Variants in ATP13A4 observed in about 807,000 individuals in gnomAD.
ATP13A4 encodes the protein probable cation-transporting ATPase 13A4.
A neutral mutation model predicts 142.5 loss-of-function variants in ATP13A4; 114 were observed. That is an observed-to-expected ratio of 0.80 (90% CI 0.69 to 0.93). The LOEUF (loss-of-function observed/expected upper bound fraction) is 0.93, where lower values mean the gene tolerates loss of function less well. Among genes scored for constraint, ATP13A4 ranks in the 40% least tolerant of loss-of-function variants. The probability of loss-of-function intolerance (pLI) is 0.00; values close to 1 mark genes in which losing one functional copy is unlikely to be tolerated. For synonymous variants in ATP13A4, 488 were observed against 514.8 expected, an observed-to-expected ratio of 0.95 and a Z score of 0.70; for missense variants, 1,392 against 1,454.0, an observed-to-expected ratio of 0.96 and a Z score of 0.69.
intron 29 of ATP13A4, chr3:193,403,681 A>G: frequency 1.2e-6 from 1 of 845,930 alleles, no homozygotes; most frequent in South Asian, 5.5e-5. Context: ...TTCATGAGTT[A>G]GAGTGAGCCT....
chr3:193,403,246 T>C lies in ATP13A4; in HGVS notation c.3379-382A>G, dbSNP rs187647026. On this transcript the variant is annotated intron_variant, in intron 29 of 29. Coordinates refer to ENST00000342695, the MANE Select transcript of ATP13A4 (RefSeq NM_032279.4). ...TATAAAATGACATTAAAATTACTAC[T>C]AAATACTAAACACAATTGACCCTAT... 9.2e-5 allele frequency among the ~76,000 whole-genome samples: 14 copies of C among 152,316 alleles called. No individual in the cohort carries two copies. In the East Asian group the frequency reaches 2.3e-3, roughly 25 times the overall value.
intron 2 of ATP13A4, among the ~76,000 whole-genome samples, chr3:193,571,467 A>G (rs1282143119): frequency 6.6e-6 from 1 of 152,134 alleles, no homozygotes; most frequent in Non-Finnish European, 1.5e-5. Context: ...TTCCTTCCAC[A>G]GTGTACAGTA....
intron 2 of ATP13A4, among the ~76,000 whole-genome samples, chr3:193,573,290 C>CTTATATATATAT (rs1279066051): frequency 1.8e-5 from 2 of 109,992 alleles, no homozygotes; most frequent in South Asian, 2.7e-4. Flanking sequence ...TATATATATA[C>CTTATATATATAT]ACATATATAT....
chr3:193,409,208 T>C (rs1160615057), intron 28 of ATP13A4, among the ~76,000 whole-genome samples: 1 of 152,140 alleles, frequency 6.6e-6, no homozygotes, highest in Non-Finnish European at 1.5e-5. Flanking sequence ...AACAACATGA[T>C]TCCATCCTTT....
At chr3:193,477,040 G>C (rs73198981) in intron 8 of ATP13A4, among the ~76,000 whole-genome samples, 11,415 of 152,006 alleles carry the variant, frequency 0.075, 644 homozygotes, top group East Asian at 0.21. Flanking sequence ...ATGTAGGACT[G>C]TCAGAAATCT....
At chr3:193,502,217 T>G (rs577274910) in intron 3 of ATP13A4, among the ~76,000 whole-genome samples, 71 of 152,378 alleles carry the variant, frequency 4.7e-4, no homozygotes, top group African/African-American at 1.6e-3. Context: ...ATCTTTGTAT[T>G]TCTAAATTTA....
intron 1 of ATP13A4, 56 bp downstream of exon 1, chr3:193,554,684 G>C (rs370571491): frequency 1.0e-5 from 11 of 1,052,158 alleles, no homozygotes; most frequent in Middle Eastern, 2.6e-4. Context: ...GTGTGTGTGT[G>C]TGTCTCGCAG....
rs533141728 is a variant in ATP13A4 at position 193,444,875 on chromosome 3, C to G, written c.2153-2319G>C. Among the ~76,000 whole-genome samples, 15 of 152,302 alleles carry G rather than the reference C, an allele frequency of 9.8e-5. No individual in the cohort carries two copies. In the East Asian group the frequency reaches 1.9e-3, roughly 20 times the overall value. On this transcript the variant is annotated intron_variant, in intron 18 of 29. Coordinates refer to ENST00000342695, the MANE Select transcript of ATP13A4 (RefSeq NM_032279.4). ...GGAGCTACCTGAGGCTGGAAGGATACAGGGAGCCCTGAGCGCTCATAGGCT... is the reference window on the plus strand; with the variant it reads ...GGAGCTACCTGAGGCTGGAAGGATAGAGGGAGCCCTGAGCGCTCATAGGCT...
At chr3:193,472,938 TAGAG>T (rs1431742222) in intron 8 of ATP13A4, among the ~76,000 whole-genome samples, 44 of 152,284 alleles carry the variant, frequency 2.9e-4, no homozygotes, top group African/African-American at 9.6e-4. Flanking sequence ...ATGTACTAGA[TAGAG>T]AGAAACAATA....
intron 25 of ATP13A4, among the ~76,000 whole-genome samples, chr3:193,417,526 T>G (rs541761345): frequency 6.6e-4 from 100 of 152,356 alleles, no homozygotes; most frequent in African/African-American, 2.4e-3. Context: ...GAATGTTTCA[T>G]GTCATCTCCA....
chr3:193,422,443 AT>A (rs930789130), intron 25 of ATP13A4, among the ~76,000 whole-genome samples: 3 of 100,572 alleles, frequency 3.0e-5, no homozygotes, highest in Non-Finnish European at 7.0e-5. Context: ...TCTAATGCGC[AT>A]GGAACATTCT....
chr3:193,414,532 G>A (rs531709940), intron 26 of ATP13A4, 47 bp downstream of exon 26: 1 of 1,601,254 alleles, frequency 6.2e-7, no homozygotes, highest in South Asian at 1.1e-5. Flanking sequence ...GAGGATGTTT[G>A]ATAGAAATTA....
intron 1 of ATP13A4, among the ~76,000 whole-genome samples, chr3:193,521,341 A>C (rs1407450953): frequency 6.6e-6 from 1 of 152,252 alleles, no homozygotes; most frequent in Admixed American, 6.5e-5. Flanking sequence ...CCAAAAGAAT[A>C]ATAATTTGCA....
intron 7 of ATP13A4, among the ~76,000 whole-genome samples, chr3:193,485,924 C>A (rs1307949991): frequency 3.0e-3 from 401 of 132,132 alleles, no homozygotes; most frequent in South Asian, 4.0e-3. Flanking sequence ...GCTTATAAGC[C>A]AAAAAAAAAA....
At chr3:193,466,437 T>A (rs1718293091) in intron 10 of ATP13A4, among the ~76,000 whole-genome samples, 1 of 152,256 alleles carries the variant, frequency 6.6e-6, no homozygotes, top group South Asian at 2.1e-4. Context: ...ACCGCCGTAC[T>A]GGGTGCACAG....
intron 18 of ATP13A4, among the ~76,000 whole-genome samples, chr3:193,444,489 T>C (rs1716828343): frequency 6.6e-6 from 1 of 152,162 alleles, no homozygotes; most frequent in African/African-American, 2.4e-5. Flanking sequence ...GATGTTAACT[T>C]GTAACTTAAG....
chr3:193,520,065 C>G (rs190676076), intron 1 of ATP13A4, among the ~76,000 whole-genome samples: 25 of 152,228 alleles, frequency 1.6e-4, no homozygotes, highest in Admixed American at 1.6e-3. Flanking sequence ...GTTTACCCAG[C>G]ATCACATACA....
rs747219324 is a variant in ATP13A4, at chr3:193,402,765, TTGCCAAGTCCCTCTGCCATATCCGA to T, written c.3453_3477del (p.Tyr1151Ter). On this transcript the variant is annotated frameshift_variant, in exon 30 of 30. Transcript: ENST00000342695. LOFTEE classifies it high-confidence loss of function. ...TTTAGCGGGGGCCAACTAGGGTCAT[TTGCCAAGTCCCTCTGCCATATCCGA>T]TACTGGCTTTTTGACTGATAGCCGA... 6.2e-7 allele frequency: 1 copy of T among 1,614,032 alleles called. No homozygotes were observed. Among genetic ancestry groups the T allele is most frequent in the African/African-American group, 1.3e-5 (1 of 75,046 alleles).
intron 18 of ATP13A4, among the ~76,000 whole-genome samples, chr3:193,442,980 TC>T (rs1366189649): frequency 6.6e-6 from 1 of 152,002 alleles, no homozygotes; most frequent in Non-Finnish European, 1.5e-5. Flanking sequence ...AAGAAGCAAC[TC>T]CCCAAGGACT....
Sources: allele counts gnomAD v4.1 joint callset (sites outside exome capture counted in the v4.1 genomes callset), GRCh38; gene constraint gnomAD v4.1.1; transcripts MANE v1.5; gene names NCBI Gene and HGNC (gene_info 2026-07-23, HGNC 2026-07-21).